MKNK1: variants seen among roughly 807,000 people sequenced by gnomAD.
MKNK1 encodes MAP kinase-interacting serine/threonine-protein kinase 1.
MKNK1 carries 30 observed loss-of-function variants against 49.3 expected under a neutral mutation model. The ratio of observed to expected loss-of-function variants is 0.61; its 90% confidence interval spans 0.46 to 0.83. The LOEUF (loss-of-function observed/expected upper bound fraction) is 0.83, where lower values mean the gene tolerates loss of function less well. MKNK1 is among the 40% of genes least tolerant of loss of function. The pLI is 0.00. For synonymous variants in MKNK1, 176 were observed against 201.7 expected, an observed-to-expected ratio of 0.87 and a Z score of 1.08; for missense variants, 423 against 524.7, an observed-to-expected ratio of 0.81 and a Z score of 1.89.
At chr1:46,569,111 A>G (rs1669626267) in intron 7 of MKNK1, 1 of 152,554 alleles carries the variant, frequency 6.6e-6, no homozygotes, top group African/African-American at 2.4e-5. Flanking sequence ...TTTAAAATAG[A>G]GATGGAGTCT....
Position 46,577,117 on chromosome 1 carries a change from C to T in MKNK1, c.199-463G>A, listed in dbSNP as rs565941001. Among the ~76,000 whole-genome samples the T allele has an allele frequency of 5.6e-4, 85 of 152,316 alleles. 1 individual carries two copies. The highest frequency in any genetic ancestry group is 1.9e-3 in the African/African-American group (81 of 41,582). ...ACACCCAGCTCAGAGGCTGCCTCCA[C>T]GATCCCCCTGGCAGAAGTAGGCTCT... On this transcript the variant is annotated intron_variant, in intron 4 of 12. Transcript: ENST00000371945.
chr1:46,560,633 C>T (rs1667788722), intron 11 of MKNK1, among the ~76,000 whole-genome samples: 1 of 152,228 alleles, frequency 6.6e-6, no homozygotes, highest in Admixed American at 6.5e-5. Flanking sequence ...TGGGGTCTTG[C>T]TCCCTTTGTG....
chr1:46,562,392 T>C (rs1179947449), intron 10 of MKNK1, among the ~76,000 whole-genome samples: 1 of 55,042 alleles, frequency 1.8e-5, no homozygotes, highest in Non-Finnish European at 3.0e-5. Context: ...AGAGACTCCA[T>C]CTCAAAAAAA....
At chr1:46,593,924 T>A in intron 2 of MKNK1, 189 bp downstream of exon 2, 1 of 489,226 alleles carries the variant, frequency 2.0e-6, no homozygotes, top group East Asian at 3.0e-5. Flanking sequence ...CCCTTCCATG[T>A]CATTCTGTAG....
rs576090262 is a variant in MKNK1 at position 46,600,623 on chromosome 1, C to T, written c.-171+3562G>A. Among the ~76,000 whole-genome samples, 6 of 152,340 alleles carry T rather than the reference C, an allele frequency of 3.9e-5. No individual in the cohort carries two copies. In the East Asian group the frequency reaches 9.6e-4, roughly 24 times the overall value. ...TTGCTGGGACAACACTTCTCACTCA[C>T]GGAGATCTGGGAGCAAGCTCTTTGG... On this transcript the variant is annotated intron_variant, in intron 1 of 12. Transcript: ENST00000371945.
At chr1:46,568,714 A>C in intron 7 of MKNK1, 1 of 562,440 alleles carries the variant, frequency 1.8e-6, no homozygotes, top group Non-Finnish European at 3.2e-6. Context: ...AGGCTTTAGA[A>C]GTCTGGCAGG....
intron 2 of MKNK1, among the ~76,000 whole-genome samples, chr1:46,592,890 A>C (rs1165505619): frequency 6.6e-6 from 1 of 152,154 alleles, no homozygotes; most frequent in Non-Finnish European, 1.5e-5. Context: ...CAACAGTAGG[A>C]CCATCAAACA....
chr1:46,565,669 T>C (rs903718381), intron 8 of MKNK1, among the ~76,000 whole-genome samples: 6 of 152,196 alleles, frequency 3.9e-5, no homozygotes, highest in Admixed American at 1.3e-4. Flanking sequence ...TTGGTCACCG[T>C]AGGTGGCATC....
intron 2 of MKNK1, among the ~76,000 whole-genome samples, chr1:46,583,552 A>G (rs1672064217): frequency 6.6e-6 from 1 of 152,218 alleles, no homozygotes. Flanking sequence ...TCAGACAGGC[A>G]GGCTAGATTA....
chr1:46,558,286 C>T lies in MKNK1; in HGVS notation c.*289G>A, dbSNP rs921785534. ...GCAGGCTGGATCCCAGATCTGCAGG[C>T]GGGTGAGCAGGTGGAGCCCAGTGAA... On this transcript the variant is annotated 3_prime_UTR_variant, in exon 13 of 13. Coordinates refer to ENST00000371945, the MANE Select transcript of MKNK1 (RefSeq NM_001135553.4). 2.3e-5 allele frequency: 9 copies of T among 398,698 alleles called. No individual in the cohort carries two copies. Among genetic ancestry groups the T allele is most frequent in the Non-Finnish European group, 3.1e-5 (7 of 222,356 alleles). 24.7% of individuals were successfully genotyped at this position (398,698 alleles called of 1,614,324 possible).
chr1:46,594,159 A>C lies in MKNK1; in HGVS notation c.-49T>G. On this transcript the variant is annotated 5_prime_UTR_variant, in exon 2 of 13. It adds an upstream start codon to the 5' untranslated region. Coordinates refer to ENST00000371945, the MANE Select transcript of MKNK1 (RefSeq NM_001135553.4). The stretch of plus-strand genomic sequence containing the variant: ...GAGAAGATACCATCTGTAAACTTGA[A>C]ATCCCAAATGAAATAAAGCTCCTGT... The C allele has an allele frequency of 6.2e-7, 1 of 1,610,938 alleles. No individual in the cohort carries two copies. Among genetic ancestry groups the C allele is most frequent in the Non-Finnish European group, 8.5e-7 (1 of 1,177,082 alleles).
chr1:46,604,132 C>G (rs1489140166), intron 1 of MKNK1, 53 bp downstream of exon 1: 1 of 152,330 alleles, frequency 6.6e-6, no homozygotes, highest in Non-Finnish European at 1.5e-5. Flanking sequence ...AGCTCACTCA[C>G]AGACCCCGGC....
intron 1 of MKNK1, among the ~76,000 whole-genome samples, chr1:46,601,865 C>T (rs773801660): frequency 2.0e-5 from 3 of 152,194 alleles, no homozygotes; most frequent in East Asian, 1.9e-4. Context: ...TTGCCACCCA[C>T]GTACTCAGAG....
Position 46,576,582 on chromosome 1 carries a change from C to T in MKNK1, c.271G>A (p.Gly91Arg). 1 of 1,613,578 alleles carries T rather than the reference C, an allele frequency of 6.2e-7. No individual in the cohort carries two copies. Among genetic ancestry groups the T allele is most frequent in the East Asian group, 2.2e-5 (1 of 44,872 alleles). ...REVETLYQCQ[G>R]NKNILELIEF... ...GAATCACATGATACTCACTTGTTTC[C>T]CTGACACTGATACAGCGTCTCCACC... is the stretch of plus-strand genomic sequence containing the variant. The change falls in exon 5 of 13, where the codon GGA becomes AGA. Residue 91 changes from glycine (G) to arginine (R), a missense_variant. By Grantham distance (125) the Gly-to-Arg change is moderately radical. Coordinates refer to ENST00000371945, the MANE Select transcript of MKNK1 (RefSeq NM_001135553.4).
In MKNK1 at chr1:46,568,368, A is replaced by G. The variant is rs978233546; in HGVS notation, c.513+75T>C. On this transcript the variant is annotated intron_variant, in intron 8 of 12. Coordinates refer to ENST00000371945, the MANE Select transcript of MKNK1 (RefSeq NM_001135553.4). ...GTGTCTGAGGCCAACGGAACTGCTA[A>G]CAATCCATCCTGAAAGCAAGGGTGG... 2.1e-6 allele frequency: 3 copies of G among 1,445,764 alleles called. No individual in the cohort carries two copies. In the African/African-American group the frequency reaches 4.2e-5, roughly 20 times the overall value. 89.6% of individuals were successfully genotyped at this position (1,445,764 alleles called of 1,614,324 possible).
chr1:46,565,074 A>C lies in MKNK1; in HGVS notation c.576T>G (p.Cys192Trp). The change falls in exon 9 of 13, where the codon TGT becomes TGG. Residue 192 changes from cysteine (C) to tryptophan (W), a missense_variant. Transcript: ENST00000371945. ...LGSGMKLNNSCTPITTPELTT... is the reference protein window; with the variant it reads ...LGSGMKLNNSWTPITTPELTT... Reference sequence around the variant, plus strand: ...TCAGCTCTGGTGTGGTTATGGGGGTACAGGAGTTGTTCAGTTTCATCCCAC... The same window carrying C: ...TCAGCTCTGGTGTGGTTATGGGGGTCCAGGAGTTGTTCAGTTTCATCCCAC... 1.2e-6 allele frequency: 2 copies of C among 1,614,204 alleles called. No homozygotes were observed. The highest frequency in any genetic ancestry group is 1.7e-6 in the Non-Finnish European group (2 of 1,180,022).
chr1:46,567,950 T>G (rs954988984), intron 8 of MKNK1, among the ~76,000 whole-genome samples: 2 of 152,044 alleles, frequency 1.3e-5, no homozygotes, highest in African/African-American at 4.8e-5. Context: ...GTGAAACCCC[T>G]GTCTCTACTA....
chr1:46,576,422 C>T (rs1176528182), intron 5 of MKNK1, 153 bp downstream of exon 5: 56 of 618,684 alleles, frequency 9.1e-5, no homozygotes, highest in Non-Finnish European at 1.1e-4. Flanking sequence ...TTTCCTTTCT[C>T]TCCCTAACAC....
At chr1:46,571,515 C>T (rs772956395) in intron 7 of MKNK1, 1 of 433,690 alleles carries the variant, frequency 2.3e-6, no homozygotes, top group Non-Finnish European at 4.5e-6. Flanking sequence ...AGCACTCCAG[C>T]CTAGGTGACA....
Sources: gnomAD v4.1 joint callset for allele counts (sites outside exome capture counted in the v4.1 genomes callset) on GRCh38, gnomAD v4.1.1 for gene constraint, MANE v1.5 for transcripts, NCBI Gene and HGNC (gene_info 2026-07-23, HGNC 2026-07-21) for gene names.